HHAT: variants seen among roughly 807,000 people sequenced by gnomAD.
HHAT encodes hedgehog acyltransferase.
In HHAT, 47 loss-of-function variants were observed where a neutral mutation model predicts 70.8. The ratio of observed to expected loss-of-function variants is 0.66; its 90% CI spans 0.53 to 0.85. The LOEUF is 0.85. Among genes scored for constraint, HHAT ranks in the 40% least tolerant of loss-of-function variants. The pLI, the probability that HHAT is intolerant of heterozygous loss-of-function variation, is 0.00. For synonymous variants in HHAT, 228 were observed against 247.6 expected (o/e 0.92, Z 0.74); for missense variants, 609 against 604.8 (o/e 1.01, Z -0.07).
intron 6 of HHAT, among the ~76,000 whole-genome samples, chr1:210,415,483 C>T (rs1273978784): frequency 6.6e-6 from 1 of 152,162 alleles, no homozygotes; most frequent in Non-Finnish European, 1.5e-5. Context: ...TCCAAGGATA[C>T]CCAATCTTGC....
chr1:210,504,798 A>G (rs925387302), intron 8 of HHAT, among the ~76,000 whole-genome samples: 4 of 151,696 alleles, frequency 2.6e-5, no homozygotes, highest in African/African-American at 9.7e-5. Flanking sequence ...AGACCTTGGT[A>G]TTTCACAAAA....
chr1:210,357,183 C>G (rs2087725463), intron 2 of HHAT, among the ~76,000 whole-genome samples: 7 of 152,186 alleles, frequency 4.6e-5, no homozygotes, highest in Admixed American at 4.6e-4. Context: ...TCCCTTCCTC[C>G]TTGCACTGGC....
At chr1:210,415,996 T>G (rs1205649868) in intron 6 of HHAT, among the ~76,000 whole-genome samples, 1 of 152,132 alleles carries the variant, frequency 6.6e-6, no homozygotes, top group Non-Finnish European at 1.5e-5. Context: ...CAAGCTTTTC[T>G]GGGCATAGTT....
chr1:210,598,815 T>C (rs753452632), intron 10 of HHAT, among the ~76,000 whole-genome samples: 1 of 152,248 alleles, frequency 6.6e-6, no homozygotes, highest in Non-Finnish European at 1.5e-5. Context: ...TTGGTTCTTA[T>C]AAAGGTGAGT....
intron 8 of HHAT, among the ~76,000 whole-genome samples, chr1:210,484,666 C>T (rs2094448093): frequency 1.3e-5 from 2 of 152,174 alleles, no homozygotes; most frequent in African/African-American, 4.8e-5. Context: ...GACTTTGGCA[C>T]TTACCAGTGG....
intron 11 of HHAT, among the ~76,000 whole-genome samples, chr1:210,667,907 C>A (rs2148976532): frequency 6.6e-6 from 1 of 152,296 alleles, no homozygotes; most frequent in Non-Finnish European, 1.5e-5. Context: ...TCATCACCAT[C>A]CGTCTCGAGT....
chr1:210,518,819 A>C (rs2095104225), intron 9 of HHAT, among the ~76,000 whole-genome samples: 1 of 152,184 alleles, frequency 6.6e-6, no homozygotes, highest in South Asian at 2.1e-4. Flanking sequence ...GGAAGCAAGA[A>C]GTTTCAATTC....
intron 3 of HHAT, among the ~76,000 whole-genome samples, chr1:210,379,547 G>C (rs1377226543): frequency 6.6e-6 from 1 of 152,198 alleles, no homozygotes; most frequent in African/African-American, 2.4e-5. Flanking sequence ...CTTCTTTTCA[G>C]TCCACAGTCT....
intron 7 of HHAT, among the ~76,000 whole-genome samples, chr1:210,463,606 C>T (rs115947859): frequency 3.2e-3 from 488 of 152,238 alleles, no homozygotes; most frequent in African/African-American, 7.8e-3. Flanking sequence ...CTGTGTACAT[C>T]GGGGTACAAG....
intron 6 of HHAT, among the ~76,000 whole-genome samples, chr1:210,405,233 C>T (rs773889008): frequency 2.6e-5 from 4 of 152,028 alleles, no homozygotes; most frequent in Admixed American, 6.6e-5. Flanking sequence ...TGTGCCCAGG[C>T]CCCCGCCTGC....
chr1:210,404,643 T>C lies in HHAT; in HGVS notation c.648T>C (p.Asn216=), dbSNP rs774446643. 4 of 1,614,074 alleles carry C rather than the reference T, an allele frequency of 2.5e-6. No individual in the cohort carries two copies. Among genetic ancestry groups the C allele is most frequent in the Non-Finnish European group, 2.5e-6 (3 of 1,180,010 alleles). Residue 216 remains asparagine, a synonymous_variant, in exon 6 of 12, where the codon AAT becomes AAC. Coordinates refer to ENST00000261458, the MANE Select transcript of HHAT (RefSeq NM_018194.6). Reference sequence around the variant, plus strand: ...TCTTTTATTATCCAGTCTTACACAATGGGCCCATCCTCAGCTTCTCGGAGT... The same window carrying C: ...TCTTTTATTATCCAGTCTTACACAACGGGCCCATCCTCAGCTTCTCGGAGT... ...AYVFYYPVLH[N]GPILSFSEFI... is the part of the protein sequence containing the mutation.
At chr1:210,629,464 G>A (rs774838079) in intron 11 of HHAT, among the ~76,000 whole-genome samples, 5 of 152,252 alleles carry the variant, frequency 3.3e-5, no homozygotes, top group Admixed American at 6.5e-5. Context: ...GGCACTGAAC[G>A]CTGACCACTT....
chr1:210,441,654 T>A (rs1335655164), intron 7 of HHAT, among the ~76,000 whole-genome samples: 2 of 152,190 alleles, frequency 1.3e-5, no homozygotes, highest in African/African-American at 4.8e-5. Context: ...AGTAATATAT[T>A]TTCGTCACCA....
chr1:210,626,087 CAAGGGCGTA>C, intron 11 of HHAT, among the ~76,000 whole-genome samples: 1 of 152,188 alleles, frequency 6.6e-6, no homozygotes, highest in Non-Finnish European at 1.5e-5. Flanking sequence ...GTGTGGGGGT[CAAGGGCGTA>C]AAGATTGTAT....
chr1:210,461,666 T>C (rs1407590066), intron 7 of HHAT, among the ~76,000 whole-genome samples: 1 of 152,174 alleles, frequency 6.6e-6, no homozygotes, highest in Non-Finnish European at 1.5e-5. Flanking sequence ...GTGAAATCCA[T>C]GGTACAAACA....
chr1:210,557,004 C>A (rs574974244), intron 9 of HHAT, among the ~76,000 whole-genome samples: 6 of 152,302 alleles, frequency 3.9e-5, no homozygotes, highest in Non-Finnish European at 8.8e-5. Context: ...AGGCTTCCTG[C>A]AGACAGTGCT....
chr1:210,537,754 G>A (rs1471724953), intron 9 of HHAT, among the ~76,000 whole-genome samples: 2 of 152,190 alleles, frequency 1.3e-5, no homozygotes, highest in Non-Finnish European at 2.9e-5. Context: ...CTGGCATCTC[G>A]TTTTGTTCTT....
At chr1:210,375,082 C>G (rs1325172323) in intron 3 of HHAT, among the ~76,000 whole-genome samples, 1 of 152,138 alleles carries the variant, frequency 6.6e-6, no homozygotes, top group African/African-American at 2.4e-5. Flanking sequence ...CAGATTTCAC[C>G]TGTTTTGCAA....
chr1:210,613,244 A>T (rs10863846), intron 10 of HHAT, among the ~76,000 whole-genome samples: 148,384 of 152,260 alleles, frequency 0.97, 72,414 homozygotes, highest in East Asian at 1. Flanking sequence ...GTTTTAGTTC[A>T]TCTTTTTAGA....
Sources: gnomAD v4.1 joint callset for allele counts (sites outside exome capture counted in the v4.1 genomes callset) on GRCh38, gnomAD v4.1.1 for gene constraint, MANE v1.5 for transcripts, NCBI Gene and HGNC (gene_info 2026-07-23, HGNC 2026-07-21) for gene names.